PCDH11X: variants seen among roughly 807,000 people sequenced by gnomAD.
PCDH11X encodes the protein protocadherin 11 X-linked.
PCDH11X carries 18 observed loss-of-function variants against 53.3 expected under a neutral mutation model. The ratio of observed to expected loss-of-function variants is 0.34; its 90% confidence interval spans 0.23 to 0.50. The LOEUF (loss-of-function observed/expected upper bound fraction) is 0.50, where lower values mean the gene tolerates loss of function less well. Ranked by LOEUF, PCDH11X falls within the 20% of genes least tolerant of loss-of-function variation. The pLI is 0.98. For synonymous variants in PCDH11X, 279 were observed against 393.3 expected, an observed-to-expected ratio of 0.71 and a Z score of 3.44; for missense variants, 570 against 1,032.4, an observed-to-expected ratio of 0.55 and a Z score of 6.14.
intron 4 of PCDH11X, among the ~76,000 whole-genome samples, chrX:91,811,626 C>T (rs1052944333): frequency 9.9e-5 from 11 of 110,639 alleles, no homozygotes; most frequent in African/African-American, 2.6e-4. Flanking sequence ...AGTTTACTGA[C>T]GGTAAACAAT....
intron 8 of PCDH11X, among the ~76,000 whole-genome samples, chrX:92,353,882 G>A (rs1028852311): frequency 1.4e-4 from 15 of 107,298 alleles, no homozygotes; most frequent in Non-Finnish European, 2.9e-4. Context: ...ATTAAACATT[G>A]CATGTTTAGT....
intron 9 of PCDH11X, among the ~76,000 whole-genome samples, chrX:92,399,549 T>C (rs1256951103): frequency 8.9e-6 from 1 of 111,810 alleles, no homozygotes; most frequent in African/African-American, 3.3e-5. Flanking sequence ...AATTTTACCA[T>C]ACTGGAGTTT....
Position 92,152,751 on chromosome X carries a change from T to TTATGTATG in PCDH11X, c.3034-48584_3034-48577dup, listed in dbSNP as rs559164762. On this transcript the variant is annotated intron_variant, in intron 6 of 10. Transcript: ENST00000682573. ...AAAAAATATTTTCTATATTTTTATT[T>TTATGTATG]TATGTATGTATGTATGTATGTATGT... 2.8e-3 allele frequency among the ~76,000 whole-genome samples: 273 copies of TTATGTATG among 99,074 alleles called. 1 individual carries two copies. Among genetic ancestry groups the TTATGTATG allele is most frequent in the South Asian group, 5.8e-3 (11 of 1,887 alleles). 86.0% of individuals were successfully genotyped at this position (99,074 alleles called of 115,157 possible).
intron 6 of PCDH11X, among the ~76,000 whole-genome samples, chrX:92,046,635 G>T (rs1341738533): frequency 3.6e-5 from 4 of 110,214 alleles, no homozygotes; most frequent in African/African-American, 1.0e-4. Flanking sequence ...AGACAGGGGT[G>T]CCAAGGAAAA....
At chrX:92,225,530 G>A in intron 7 of PCDH11X, among the ~76,000 whole-genome samples, 1 of 111,444 alleles carries the variant, frequency 9.0e-6, no homozygotes, top group Non-Finnish European at 1.9e-5. Context: ...CTAAATGGTA[G>A]AATAAGTAAT....
At chrX:92,181,115 T>C (rs1431423419) in intron 6 of PCDH11X, among the ~76,000 whole-genome samples, 2 of 111,403 alleles carry the variant, frequency 1.8e-5, no homozygotes, top group Non-Finnish European at 3.8e-5. Flanking sequence ...AAAATGCTGA[T>C]AATGATATGA....
chrX:92,407,890 G>GT (rs1156608525), intron 9 of PCDH11X, among the ~76,000 whole-genome samples: 14 of 109,772 alleles, frequency 1.3e-4, no homozygotes, highest in Non-Finnish European at 2.3e-4. Flanking sequence ...GTTTGTTTCT[G>GT]TTTTTTGTTT....
intron 6 of PCDH11X, among the ~76,000 whole-genome samples, chrX:91,937,053 A>T (rs770040190): frequency 1.8e-5 from 2 of 110,274 alleles, no homozygotes; most frequent in African/African-American, 6.5e-5. Context: ...GGTAATTGCC[A>T]CTTAATAGGA....
At chrX:92,248,163 C>G (rs1038047636) in intron 7 of PCDH11X, among the ~76,000 whole-genome samples, 3 of 111,100 alleles carry the variant, frequency 2.7e-5, no homozygotes, top group Non-Finnish European at 5.7e-5. Context: ...ATGATAATCC[C>G]AGAAGACAAT....
intron 8 of PCDH11X, among the ~76,000 whole-genome samples, chrX:92,320,998 G>C (rs1317278609): frequency 2.8e-5 from 3 of 107,326 alleles, no homozygotes; most frequent in Admixed American, 1.0e-4. Flanking sequence ...ACACATGAAA[G>C]GGGCTTTTCT....
intron 8 of PCDH11X, among the ~76,000 whole-genome samples, chrX:92,370,067 A>AT (rs1377823772): frequency 2.1e-4 from 22 of 104,984 alleles, no homozygotes; most frequent in African/African-American, 7.3e-4. Flanking sequence ...TTATCTCATA[A>AT]TTTTTTTGCA....
chrX:92,036,454 C>T (rs1305960531), intron 6 of PCDH11X, among the ~76,000 whole-genome samples: 1 of 109,260 alleles, frequency 9.2e-6, no homozygotes, highest in East Asian at 2.9e-4. Flanking sequence ...AATAGTCTTA[C>T]GAGATTCGAT....
intron 6 of PCDH11X, among the ~76,000 whole-genome samples, chrX:92,176,218 G>A (rs2065908541): frequency 9.0e-6 from 1 of 111,483 alleles, no homozygotes; most frequent in African/African-American, 3.3e-5. Flanking sequence ...TGACAAATAT[G>A]ACTAGATTTA....
intron 10 of PCDH11X, among the ~76,000 whole-genome samples, chrX:92,499,663 A>C (rs1603348833): frequency 1.2e-5 from 1 of 83,448 alleles, no homozygotes; most frequent in African/African-American, 5.0e-5. Context: ...AAAAAAAAAA[A>C]AAAAAAAAAA....
chrX:91,794,101 A>G (rs756550143), intron 1 of PCDH11X, among the ~76,000 whole-genome samples: 1 of 112,217 alleles, frequency 8.9e-6, no homozygotes, highest in Admixed American at 9.5e-5. Flanking sequence ...TAAGAAAAAC[A>G]CTATCCTTTT....
At chrX:92,418,206 C>T (rs532287470) in intron 9 of PCDH11X, among the ~76,000 whole-genome samples, 1,312 of 104,354 alleles carry the variant, frequency 0.013, 26 homozygotes, top group Non-Finnish European at 0.021. Context: ...TTTAGCAATG[C>T]GGAATAATTA....
chrX:91,819,652 T>C (rs1227754603), intron 4 of PCDH11X, among the ~76,000 whole-genome samples: 3 of 107,634 alleles, frequency 2.8e-5, no homozygotes, highest in African/African-American at 1.0e-4. Flanking sequence ...CCTTTCTTTT[T>C]TTTATTTTTA....
chrX:92,534,477 C>A (rs1369279738), intron 10 of PCDH11X, among the ~76,000 whole-genome samples: 2 of 108,496 alleles, frequency 1.8e-5, no homozygotes, highest in African/African-American at 6.7e-5. Flanking sequence ...TTGGAAAACA[C>A]TCTTCAGGAT....
chrX:91,905,068 G>T (rs1394143131), intron 6 of PCDH11X, among the ~76,000 whole-genome samples: 23 of 105,284 alleles, frequency 2.2e-4, no homozygotes, highest in African/African-American at 7.6e-4. Context: ...GTAGTATAAA[G>T]AGAAACAGCT....
Sources: gnomAD v4.1 joint callset for allele counts (sites outside exome capture counted in the v4.1 genomes callset) on GRCh38, gnomAD v4.1.1 for gene constraint, MANE v1.5 for transcripts, NCBI Gene and HGNC (gene_info 2026-07-23, HGNC 2026-07-21) for gene names.